The following LMNA variants were observed in gnomAD, a reference collection of about 807,000 sequenced individuals.
The protein encoded by LMNA is lamin.
Under a neutral mutation model 70.4 loss-of-function variants are expected in LMNA, and 20 were observed. The ratio of observed to expected loss-of-function variants is 0.28; its 90% CI spans 0.20 to 0.41. The LOEUF is 0.41. Among genes scored for constraint, LMNA ranks in the 10% least tolerant of loss-of-function variants. The probability of loss-of-function intolerance (pLI) is 1.00; values close to 1 mark genes in which losing one functional copy is unlikely to be tolerated. For missense variants in LMNA, 652 were observed against 917.2 expected, an observed-to-expected ratio of 0.71 and a Z score of 3.73; for synonymous variants, 339 against 372.8, an observed-to-expected ratio of 0.91 and a Z score of 1.04.
In LMNA at chr1:156,139,619, G is replaced by C; in HGVS notation, c.*513G>C. ...AGAGAGAGAGAGGACAGCTTGAGCC[G>C]GGCCCCTGGGCTTGGCCTGCTGTGA... On this transcript the variant is annotated 3_prime_UTR_variant, in exon 12 of 12. Coordinates refer to ENST00000368300, the MANE Select transcript of LMNA (RefSeq NM_170707.4). 1 of 1,430,380 alleles carries C rather than the reference G, an allele frequency of 7.0e-7. No individual in the cohort carries two copies. The highest frequency in any genetic ancestry group is 9.1e-7 in the Non-Finnish European group (1 of 1,098,520). 88.6% of individuals were successfully genotyped at this position (1,430,380 alleles called of 1,614,324 possible). A position where few individuals can be genotyped will look rare whatever the true frequency, so the allele number is the denominator to read the frequency against.
intron 2 of LMNA, among the ~76,000 whole-genome samples, chr1:156,086,965 T>A (rs1189579111): frequency 6.6e-6 from 1 of 151,956 alleles, no homozygotes; most frequent in Non-Finnish European, 1.5e-5. Context: ...TTCTTTCCTC[T>A]GAGCACTTCT....
Position 156,136,252 on chromosome 1 carries a change from G to C in LMNA, c.1196G>C (p.Arg399Pro). The C allele has an allele frequency of 1.2e-6, 2 of 1,611,926 alleles. No homozygotes were observed. Among genetic ancestry groups the C allele is most frequent in the Non-Finnish European group, 1.7e-6 (2 of 1,180,024 alleles). ...CCCAGCCCTACCTCGCAGCGCAGCCGTGGCCGTGCTTCCTCTCACTCATCC... is the reference window on the plus strand; with the variant it reads ...CCCAGCCCTACCTCGCAGCGCAGCCCTGGCCGTGCTTCCTCTCACTCATCC... The part of the protein sequence containing the change: ...LSPSPTSQRS[R>P]GRASSHSSQT... The change falls in exon 7 of 12, where the codon CGT becomes CCT. Residue 399 changes from arginine (R) to proline (P), a missense_variant. Coordinates refer to ENST00000368300, the MANE Select transcript of LMNA (RefSeq NM_170707.4). This position sits in a 1 kb window ranked among gnomAD's most constrained non-coding sequence, Gnocchi z 6.1.
rs1651679226 is a variant in LMNA, at chr1:156,136,814, G to A, written c.1381-107G>A. The A allele has an allele frequency of 3.4e-6, 3 of 892,522 alleles. No individual in the cohort carries two copies. The highest frequency in any genetic ancestry group is 5.4e-6 in the Non-Finnish European group (3 of 552,094). The allele number at this position is 892,522 out of a possible 1,614,324, so 55.3% of individuals were successfully genotyped here. A position where few individuals can be genotyped will look rare whatever the true frequency, so the allele number is the denominator to read the frequency against. On this transcript the variant is annotated intron_variant, in intron 7 of 11. Transcript: ENST00000368300. The surrounding 1 kb of genome is among the most constrained non-coding windows in gnomAD (Gnocchi z 6.1). ...GTGACAGGGGTGTGTGTAGATGGAA[G>A]GAGAGGCCTCAATTGCAGGCAGGCA...
At position 156,135,759 on chromosome 1, in the gene LMNA, C is replaced by A; in HGVS notation, c.937-142C>A. On this transcript the variant is annotated intron_variant, in intron 5 of 11. Coordinates refer to ENST00000368300, the MANE Select transcript of LMNA (RefSeq NM_170707.4). This position sits in a 1 kb window ranked among gnomAD's most constrained non-coding sequence, Gnocchi z 4.8. Reference sequence around the variant, plus strand: ...TGTTTAGAGCTTGTGATGTTCAGAGCTGGCTCTGATGAGGGCTCTGGGGAA... The same window carrying A: ...TGTTTAGAGCTTGTGATGTTCAGAGATGGCTCTGATGAGGGCTCTGGGGAA... The A allele has an allele frequency of 1.4e-6, 1 of 703,742 alleles. No individual in the cohort carries two copies. Among genetic ancestry groups the A allele is most frequent in the South Asian group, 1.6e-5 (1 of 60,850 alleles). 43.6% of individuals were successfully genotyped at this position (703,742 alleles called of 1,614,324 possible). A position where few individuals can be genotyped will look rare whatever the true frequency, so the allele number is the denominator to read the frequency against.
intron 3 of LMNA, among the ~76,000 whole-genome samples, chr1:156,100,051 G>A (rs1450425701): frequency 6.6e-6 from 1 of 152,084 alleles, no homozygotes; most frequent in African/African-American, 2.4e-5. Context: ...GCCTGGCATA[G>A]CACCTCCCTG....
chr1:156,111,636 G>C (rs1649545269), upstream of LMNA, among the ~76,000 whole-genome samples: 1 of 152,100 alleles, frequency 6.6e-6, no homozygotes, highest in Non-Finnish European at 1.5e-5. Flanking sequence ...TTTCCCACTG[G>C]TGGGAGGCTC....
chr1:156,104,691 A>G (rs1040513244), intron 3 of LMNA, among the ~76,000 whole-genome samples: 2 of 152,152 alleles, frequency 1.3e-5, no homozygotes, highest in East Asian at 3.9e-4. Flanking sequence ...TCTCACTGGG[A>G]CCCCAGCCTG....
intron 1 of LMNA, chr1:156,123,262 GAGA>G (rs1650324472): frequency 6.6e-6 from 1 of 152,246 alleles, no homozygotes; most frequent in Non-Finnish European, 1.5e-5. Context: ...CTGGGCAGTT[GAGA>G]AGGAGGCTAT....
chr1:156,103,679 A>G lies in LMNA; in HGVS notation c.-206-11034A>G, dbSNP rs1159881249. Among the ~76,000 whole-genome samples the G allele has an allele frequency of 6.6e-6, 1 of 151,956 alleles. No individual in the cohort carries two copies. The highest frequency in any genetic ancestry group is 1.5e-5 in the Non-Finnish European group (1 of 67,962). ...GGGGGCTGCCCCCTCCCAGTTTCTG[A>G]CTAATCCTTTCCATCGGCAGTGGCA... is the stretch of plus-strand genomic sequence containing the variant. On this transcript the variant is annotated intron_variant, in intron 3 of 12. Coordinates refer to the LMNA transcript ENST00000368301. This position sits in a 1 kb window ranked among gnomAD's most constrained non-coding sequence, Gnocchi z 4.7.
rs530091454 is a variant in LMNA at position 156,085,310 on chromosome 1, C to T, written c.-319+2126C>T. ...TTTTTACGAATCCTTCGCTCTCTCC[C>T]GGAGGCTGGTGGCCTCCTTTGTTCA... is the stretch of plus-strand genomic sequence containing the variant. On this transcript the variant is annotated intron_variant, in intron 2 of 12. Coordinates refer to the LMNA transcript ENST00000368301. 2.4e-4 allele frequency among the ~76,000 whole-genome samples: 37 copies of T among 152,292 alleles called. No individual in the cohort carries two copies. The South Asian group carries it at 6.2e-3, about 26-fold the overall frequency.
Position 156,135,240 on chromosome 1 carries a change from C to T in LMNA, c.864C>T (p.Ala288=), listed in dbSNP as rs1488261387. ...GGAACAGCAACCTGGTGGGGGCTGC[C>T]CACGAGGAGCTGCAGCAGTCGCGCA... ...AERNSNLVGA[A]HEELQQSRIR... is the part of the protein sequence containing the mutation. The change falls in exon 5 of 12, where the codon GCC becomes GCT. Residue 288 remains alanine (A), a synonymous_variant. Coordinates refer to ENST00000368300, the MANE Select transcript of LMNA (RefSeq NM_170707.4). This position sits in a 1 kb window ranked among gnomAD's most constrained non-coding sequence, Gnocchi z 4.8. 6.2e-7 allele frequency: 1 copy of T among 1,613,812 alleles called. No homozygotes were observed. The highest frequency in any genetic ancestry group is 8.5e-7 in the Non-Finnish European group (1 of 1,180,024).
rs748917147 is a variant in LMNA at position 156,137,242 on chromosome 1, C to T, written c.1608+10C>T. 4 of 1,565,842 alleles carry T rather than the reference C, an allele frequency of 2.6e-6. No individual in the cohort carries two copies. The highest frequency in any genetic ancestry group is 1.2e-5 in the South Asian group (1 of 86,514). ...CAACTCCACTGGGGAAGTAAGTAGG[C>T]CTGGGCCTGGCTGCTTGCTGGACGA... On this transcript the variant is annotated intron_variant, in intron 9 of 11. Coordinates refer to ENST00000368300, the MANE Select transcript of LMNA (RefSeq NM_170707.4). This position sits in a 1 kb window ranked among gnomAD's most constrained non-coding sequence, Gnocchi z 4.6.
chr1:156,131,513 C>T (rs1572354444), intron 2 of LMNA, among the ~76,000 whole-genome samples: 1 of 152,152 alleles, frequency 6.6e-6, no homozygotes, highest in East Asian at 1.9e-4. Flanking sequence ...TGGCTTGAAC[C>T]TGAGAGGTCG....
chr1:156,095,300 A>G (rs1198175009), intron 3 of LMNA, among the ~76,000 whole-genome samples: 1 of 152,138 alleles, frequency 6.6e-6, no homozygotes, highest in East Asian at 1.9e-4. Context: ...TGAATAAGGG[A>G]TGTGTCTCTC....
chr1:156,102,440 C>T (rs149918868), intron 3 of LMNA, among the ~76,000 whole-genome samples: 1 of 152,314 alleles, frequency 6.6e-6, no homozygotes, highest in Non-Finnish European at 1.5e-5. Context: ...TGGTTAGGAG[C>T]TGTGAGCACC....
Position 156,137,096 on chromosome 1 carries a change from C to A in LMNA, c.1489-17C>A. Reference sequence around the variant, plus strand: ...GCGATGGGAGCGCTGGGGTAAGTGTCCTTTTCTCCTCTCCAGATCTGGGCT... The same window carrying A: ...GCGATGGGAGCGCTGGGGTAAGTGTACTTTTCTCCTCTCCAGATCTGGGCT... On this transcript the variant is annotated splice_polypyrimidine_tract_variant and intron_variant, in intron 8 of 11. Coordinates refer to ENST00000368300, the MANE Select transcript of LMNA (RefSeq NM_170707.4). This position sits in a 1 kb window ranked among gnomAD's most constrained non-coding sequence, Gnocchi z 4.6. The A allele has an allele frequency of 6.2e-7, 1 of 1,613,980 alleles. No individual in the cohort carries two copies. Among genetic ancestry groups the A allele is most frequent in the Admixed American group, 1.7e-5 (1 of 60,010 alleles).
Position 156,137,488 on chromosome 1 carries a change from G to C in LMNA, c.1609-166G>C. On this transcript the variant is annotated intron_variant, in intron 9 of 11. Transcript: ENST00000368300. The surrounding 1 kb of genome is among the most constrained non-coding windows in gnomAD (Gnocchi z 4.6). Reference sequence around the variant, plus strand: ...CCGGAGAGCTTGACAGTGTCCCTCTGGGGTGGAAATGAGTTCCTTAGCTCC... The same window carrying C: ...CCGGAGAGCTTGACAGTGTCCCTCTCGGGTGGAAATGAGTTCCTTAGCTCC... 1 of 799,984 alleles carries C rather than the reference G, an allele frequency of 1.3e-6. No homozygotes were observed. 49.6% of individuals were successfully genotyped at this position (799,984 alleles called of 1,614,324 possible).
rs1377786478 is a variant in LMNA at position 156,139,557 on chromosome 1, G to C, written c.*451G>C. 1 of 1,386,836 alleles carries C rather than the reference G, an allele frequency of 7.2e-7. No homozygotes were observed. Among genetic ancestry groups the C allele is most frequent in the Admixed American group, 3.2e-5 (1 of 31,182 alleles). 85.9% of individuals were successfully genotyped at this position (1,386,836 alleles called of 1,614,324 possible). On this transcript the variant is annotated 3_prime_UTR_variant, in exon 12 of 12. Transcript: ENST00000368300. ...CTTCTCCGCCAGCCTCCTCTGGACG[G>C]CAGGCTCACTGCCAGGCCAGCCTCC...
At chr1:156,096,284 T>TG (rs1477960938) in intron 3 of LMNA, among the ~76,000 whole-genome samples, 1 of 152,154 alleles carries the variant, frequency 6.6e-6, no homozygotes, top group Non-Finnish European at 1.5e-5. Context: ...ATCCTGTAGG[T>TG]GGGTGGCAGT....
Sources: gnomAD v4.1 joint callset for allele counts (sites outside exome capture counted in the v4.1 genomes callset) on GRCh38, gnomAD v4.1.1 for gene constraint, Gnocchi (gnomAD v3.1) non-coding constraint, MANE v1.5 for transcripts, NCBI Gene and HGNC (gene_info 2026-07-23, HGNC 2026-07-21) for gene names.